Variants in KIAA1549L observed in about 807,000 individuals in gnomAD.
KIAA1549L encodes the protein KIAA1549 like, also known as UPF0606 protein KIAA1549L.
Under a neutral mutation model 160.7 loss-of-function variants are expected in KIAA1549L, and 88 were observed. The ratio of observed to expected loss-of-function variants is 0.55; its 90% CI spans 0.46 to 0.65. The LOEUF is 0.65. Ranked by LOEUF, KIAA1549L falls within the 30% of genes least tolerant of loss-of-function variation. The pLI is 0.00. For synonymous variants in KIAA1549L, 950 were observed against 976.7 expected, an observed-to-expected ratio of 0.97 and a Z score of 0.51; for missense variants, 2,258 against 2,437.5, an observed-to-expected ratio of 0.93 and a Z score of 1.55.
chr11:33,485,727 G>A (rs1344713427), intron 1 of KIAA1549L, among the ~76,000 whole-genome samples: 1 of 152,096 alleles, frequency 6.6e-6, no homozygotes, highest in Non-Finnish European at 1.5e-5. Context: ...TAGATCTTCT[G>A]AATGTATTCT....
intron 12 of KIAA1549L, among the ~76,000 whole-genome samples, chr11:33,591,905 G>A (rs533447153): frequency 6.6e-6 from 1 of 152,334 alleles, no homozygotes. Context: ...GGAGGAGGCG[G>A]AGAGAAAAAT....
Position 33,542,908 on chromosome 11 carries a change from C to T in KIAA1549L, c.1345C>T (p.His449Tyr). 6.2e-7 allele frequency: 1 copy of T among 1,614,072 alleles called. No individual in the cohort carries two copies. Among genetic ancestry groups the T allele is most frequent in the Non-Finnish European group, 8.5e-7 (1 of 1,179,896 alleles). ...TGCAAATGACTCTGCTAACCCGCTG[C>T]ATTTGTCAGCAGCTCCAGAGAATTC... ...ATANDSANPL[H>Y]LSAAPENSRG... is the part of the protein sequence containing the mutation. The change falls in exon 2 of 21, where the codon CAT becomes TAT. Residue 449 changes from histidine to tyrosine, a missense_variant. By Grantham distance (83) the His-to-Tyr change is moderately conservative (BLOSUM62 2). Transcript: ENST00000658780.
intron 1 of KIAA1549L, among the ~76,000 whole-genome samples, chr11:33,509,393 G>A (rs1853172553): frequency 6.6e-6 from 1 of 152,190 alleles, no homozygotes; most frequent in Non-Finnish European, 1.5e-5. Context: ...TTTATTTCCA[G>A]TGGTAATGGG....
chr11:33,491,109 A>T (rs1447139286), intron 1 of KIAA1549L, among the ~76,000 whole-genome samples: 2 of 152,210 alleles, frequency 1.3e-5, no homozygotes, highest in African/African-American at 2.4e-5. Flanking sequence ...TATGCTTGAC[A>T]ATTTTATGTC....
At chr11:33,586,553 A>G (rs1849885253) in intron 11 of KIAA1549L, among the ~76,000 whole-genome samples, 1 of 152,120 alleles carries the variant, frequency 6.6e-6, no homozygotes, top group Non-Finnish European at 1.5e-5. Flanking sequence ...CATAGAATTG[A>G]AGAGATCACG....
chr11:33,471,623 C>T, intron 1 of KIAA1549L, among the ~76,000 whole-genome samples: 1 of 152,210 alleles, frequency 6.6e-6, no homozygotes, highest in East Asian at 1.9e-4. Context: ...ATGAGCTCAT[C>T]AGAGCCTTTA....
intron 1 of KIAA1549L, among the ~76,000 whole-genome samples, chr11:33,380,374 T>C (rs574708605): frequency 5.3e-5 from 8 of 152,320 alleles, no homozygotes; most frequent in Admixed American, 2.6e-4. Context: ...CACAGTAAGT[T>C]GTGAATGACT....
Position 33,583,304 on chromosome 11 carries a change from T to C in KIAA1549L, c.4403-34T>C, listed in dbSNP as rs538068438. The C allele has an allele frequency of 5.7e-6, 9 of 1,577,378 alleles. No individual in the cohort carries two copies. The Admixed American group carries it at 1.5e-4, about 26-fold the overall frequency. On this transcript the variant is annotated intron_variant, in intron 10 of 20. Coordinates refer to ENST00000658780, the MANE Select transcript of KIAA1549L (RefSeq NM_012194.3). ...GTTGCTTTCCTCTTCCCAGTGTTGC[T>C]TGTCATGTCCCTCCTGCTGGCTCTT...
rs1038451571 is a variant in KIAA1549L at position 33,673,491 on chromosome 11, G to T, written c.*5337G>T. 2 of 152,116 alleles carry T rather than the reference G, an allele frequency of 1.3e-5. No individual in the cohort carries two copies. The highest frequency in any genetic ancestry group is 6.5e-5 in the Admixed American group (1 of 15,274). 9.4% of individuals were successfully genotyped at this position (152,116 alleles called of 1,614,324 possible). ...GAATGGACTGGAAATTGTGAAAAAG[G>T]TATAAATATCCTAGACCTTGATCAA... On this transcript the variant is annotated 3_prime_UTR_variant, in exon 21 of 21. Transcript: ENST00000658780.
chr11:33,631,638 T>A (rs1851292404), intron 16 of KIAA1549L, among the ~76,000 whole-genome samples: 1 of 152,196 alleles, frequency 6.6e-6, no homozygotes. Flanking sequence ...ACTACTGACC[T>A]AAGCAATGCT....
Position 33,409,982 on chromosome 11 carries a change from T to C in KIAA1549L, c.238+33093T>C, listed in dbSNP as rs1250896476. On this transcript the variant is annotated intron_variant, in intron 1 of 20. Transcript: ENST00000658780. ...GCCACAAAGAACATCTTGTTTTTTT[T>C]CTGACGTTTCTCTGTGTCTGTTATC... Among the ~76,000 whole-genome samples the C allele has an allele frequency of 6.6e-5, 10 of 152,336 alleles. 1 individual carries two copies. The South Asian group carries it at 2.1e-3, about 32-fold the overall frequency.
intron 3 of KIAA1549L, among the ~76,000 whole-genome samples, chr11:33,546,578 C>T (rs112384184): frequency 1.2e-4 from 19 of 152,352 alleles, no homozygotes; most frequent in African/African-American, 4.3e-4. Flanking sequence ...ACAACAGCCA[C>T]ATTTATCTCT....
In KIAA1549L at chr11:33,542,405, C is replaced by G. The variant is rs867400390; in HGVS notation, c.842C>G (p.Pro281Arg). The change falls in exon 2 of 21, where the codon CCC becomes CGC. Residue 281 changes from proline (P) to arginine (R), a missense_variant. By Grantham distance (103) the Pro-to-Arg change is moderately radical. Around this residue, in one of 6 missense-constraint regions of KIAA1549L, gnomAD observed 540 missense variants for 465.7 expected, o/e 1.16. Transcript: ENST00000658780. ...LLVPQTAPAD[P>R]SLGQNIANPL... ...GTTCCCCAAACAGCTCCAGCCGACC[C>G]CTCTTTAGGTCAGAACATAGCTAAT... The G allele has an allele frequency of 6.8e-7, 1 of 1,480,200 alleles. No homozygotes were observed. The highest frequency in any genetic ancestry group is 9.2e-7 in the Non-Finnish European group (1 of 1,090,224). 91.7% of individuals were successfully genotyped at this position (1,480,200 alleles called of 1,614,324 possible). A position where few individuals can be genotyped will look rare whatever the true frequency, so the allele number is the denominator to read the frequency against.
rs1854051423 is a variant in KIAA1549L, at chr11:33,542,450, A to T, written c.887A>T (p.Asp296Val). The T allele has an allele frequency of 6.2e-7, 1 of 1,606,756 alleles. No individual in the cohort carries two copies. The highest frequency in any genetic ancestry group is 1.3e-5 in the African/African-American group (1 of 74,840). The change falls in exon 2 of 21, where the codon GAT becomes GTT. Residue 296 changes from aspartate to valine, a missense_variant. Physicochemically the swap from Asp to Val is radical, Grantham distance 152. This residue lies in a region of KIAA1549L where 540 missense variants were observed against 465.7 expected (regional missense o/e 1.16). Coordinates refer to ENST00000658780, the MANE Select transcript of KIAA1549L (RefSeq NM_012194.3). Reference protein sequence around the residue: ...NIANPLIPFSDEMDHTASQNA... With the variant: ...NIANPLIPFSVEMDHTASQNA... ...GCTAATCCCTTAATCCCATTTTCTG[A>T]TGAAATGGACCACACTGCATCCCAA...
At chr11:33,654,371 G>T (rs1317194205) in intron 17 of KIAA1549L, among the ~76,000 whole-genome samples, 1 of 152,194 alleles carries the variant, frequency 6.6e-6, no homozygotes, top group African/African-American at 2.4e-5. Flanking sequence ...AATCTTGTTT[G>T]TTTTTTCTAC....
At chr11:33,663,163 C>G (rs991974725) in intron 20 of KIAA1549L, among the ~76,000 whole-genome samples, 1 of 152,216 alleles carries the variant, frequency 6.6e-6, no homozygotes, top group African/African-American at 2.4e-5. Context: ...TGTGAGAAAG[C>G]AAAGTCCCTC....
At chr11:33,435,526 A>C (rs1043519372) in intron 1 of KIAA1549L, among the ~76,000 whole-genome samples, 1 of 151,620 alleles carries the variant, frequency 6.6e-6, no homozygotes, top group African/African-American at 2.4e-5. Flanking sequence ...AGTAACCTAA[A>C]TTTTTACAAT....
chr11:33,633,563 T>C (rs1376357999), intron 16 of KIAA1549L, among the ~76,000 whole-genome samples: 2 of 152,108 alleles, frequency 1.3e-5, no homozygotes, highest in African/African-American at 4.8e-5. Context: ...ATCCTCCCAG[T>C]GTCCTCGCTC....
chr11:33,569,057 T>G (rs1855152872), intron 9 of KIAA1549L, among the ~76,000 whole-genome samples: 1 of 152,132 alleles, frequency 6.6e-6, no homozygotes, highest in Admixed American at 6.6e-5. Context: ...TCCTTCCCAT[T>G]CTTGTATTAC....
Sources: gnomAD v4.1 joint callset for allele counts (sites outside exome capture counted in the v4.1 genomes callset) on GRCh38, gnomAD v4.1.1 for gene constraint, gnomAD v4.1.1 regional missense constraint, MANE v1.5 for transcripts, NCBI Gene and HGNC (gene_info 2026-07-23, HGNC 2026-07-21) for gene names.